The following FRMD4B variants were observed in gnomAD, a reference collection of about 807,000 sequenced individuals.
FRMD4B encodes the protein FERM domain-containing protein 4B.
In FRMD4B, 74 loss-of-function variants were observed where a neutral mutation model predicts 141.5. The observed-to-expected ratio is 0.52, with a 90% CI of 0.43 to 0.63. The LOEUF is 0.63. Among genes scored for constraint, FRMD4B ranks in the 30% least tolerant of loss-of-function variants. The pLI, the probability that FRMD4B is intolerant of heterozygous loss-of-function variation, is 0.00. For synonymous variants in FRMD4B, 506 were observed against 467.9 expected, an observed-to-expected ratio of 1.08 and a Z score of -1.05; for missense variants, 1,366 against 1,253.4, an observed-to-expected ratio of 1.09 and a Z score of -1.36.
At chr3:69,420,469 T>C (rs1463801571) in intron 2 of FRMD4B, among the ~76,000 whole-genome samples, 3 of 152,102 alleles carry the variant, frequency 2.0e-5, no homozygotes, top group African/African-American at 7.2e-5. Flanking sequence ...GTTAAGTGAT[T>C]TTCCCCAGGT....
chr3:69,482,022 C>T (rs890660729), intron 1 of FRMD4B, among the ~76,000 whole-genome samples: 1 of 152,160 alleles, frequency 6.6e-6, no homozygotes, highest in African/African-American at 2.4e-5. Flanking sequence ...GATGCTAAAG[C>T]TGCAACTAAT....
At chr3:69,422,885 C>T (rs1705006516) in intron 2 of FRMD4B, among the ~76,000 whole-genome samples, 2 of 152,128 alleles carry the variant, frequency 1.3e-5, no homozygotes, top group African/African-American at 2.4e-5. Context: ...TTGCAGACCC[C>T]TATGTCCTGA....
At chr3:69,272,851 G>C (rs1448915824) in intron 5 of FRMD4B, among the ~76,000 whole-genome samples, 5 of 152,182 alleles carry the variant, frequency 3.3e-5, no homozygotes, top group Non-Finnish European at 5.9e-5. Context: ...AATATGGATA[G>C]TAATGGGTCT....
chr3:69,363,830 C>T (rs1468406789), intron 1 of FRMD4B, among the ~76,000 whole-genome samples: 1 of 152,216 alleles, frequency 6.6e-6, no homozygotes, highest in Non-Finnish European at 1.5e-5. Flanking sequence ...AGCTTCAAAA[C>T]CAGTGTACTG....
intron 1 of FRMD4B, among the ~76,000 whole-genome samples, chr3:69,521,941 CAAT>C (rs1260113323): frequency 6.6e-6 from 1 of 152,184 alleles, no homozygotes; most frequent in Non-Finnish European, 1.5e-5. Flanking sequence ...TGGTCACACA[CAAT>C]TCATGTTACA....
At position 69,396,961 on chromosome 3, in the gene FRMD4B, T is replaced by C. The variant is rs186082959; in HGVS notation, c.-1+35673A>G. Among the ~76,000 whole-genome samples, 51 of 152,290 alleles carry C rather than the reference T, an allele frequency of 3.3e-4. No homozygotes were observed. In the East Asian group the frequency reaches 5.8e-3, roughly 17 times the overall value. The stretch of plus-strand genomic sequence containing the variant: ...TCAGCTGATAAACAGATTTTTAAAA[T>C]GTGATATATCCATATAATGGAATGT... On this transcript the variant is annotated intron_variant, in intron 2 of 5. Coordinates refer to the FRMD4B transcript ENST00000459638.
At chr3:69,199,533 G>T (rs2092946086) in intron 11 of FRMD4B, among the ~76,000 whole-genome samples, 1 of 152,236 alleles carries the variant, frequency 6.6e-6, no homozygotes, top group South Asian at 2.1e-4. Flanking sequence ...CCATGCAGGG[G>T]TGATTCTCTG....
chr3:69,221,986 C>T, intron 8 of FRMD4B, 63 bp from the exon 9 acceptor site: 1 of 861,868 alleles, frequency 1.2e-6, no homozygotes. Flanking sequence ...GGCACAGTTT[C>T]CACATTATCA....
intron 1 of FRMD4B, chr3:69,353,761 T>A: frequency 1.0e-6 from 1 of 953,238 alleles, no homozygotes; most frequent in Non-Finnish European, 1.2e-6. Context: ...GAAATGACCA[T>A]ACTGTTTGTT....
In FRMD4B at chr3:69,480,391, G is replaced by C. The variant is rs537846804; in HGVS notation, c.-128-47630C>G. Among the ~76,000 whole-genome samples, 373 of 152,180 alleles carry C rather than the reference G, an allele frequency of 2.5e-3. 3 individuals carry two copies. Among genetic ancestry groups the C allele is most frequent in the African/African-American group, 8.7e-3 (361 of 41,506 alleles). ...GATGTTCAGATGGGTTTTTGGTGTG[G>C]ATGTCCTTTCTGTTTGTTAGTTTTC... On this transcript the variant is annotated intron_variant, in intron 1 of 5. Coordinates refer to the FRMD4B transcript ENST00000459638.
intron 1 of FRMD4B, among the ~76,000 whole-genome samples, chr3:69,533,824 T>C (rs1412210454): frequency 1.3e-5 from 2 of 152,142 alleles, no homozygotes; most frequent in African/African-American, 4.8e-5. Context: ...ATACCTCTCA[T>C]TGGTGTCTGG....
chr3:69,179,862 T>C (rs1329567035), intron 21 of FRMD4B, among the ~76,000 whole-genome samples: 3 of 152,216 alleles, frequency 2.0e-5, no homozygotes, highest in African/African-American at 7.2e-5. Flanking sequence ...GTCCTCCACA[T>C]CTTGAATGTG....
intron 1 of FRMD4B, among the ~76,000 whole-genome samples, chr3:69,367,282 A>T (rs1703693728): frequency 1.3e-5 from 2 of 152,342 alleles, no homozygotes; most frequent in South Asian, 4.1e-4. Flanking sequence ...TTTCAGAATA[A>T]TATGAAAGTA....
At chr3:69,226,489 T>C (rs1030166715) in intron 7 of FRMD4B, among the ~76,000 whole-genome samples, 1 of 152,060 alleles carries the variant, frequency 6.6e-6, no homozygotes, top group South Asian at 2.1e-4. Flanking sequence ...TGAGTTTTTT[T>C]AATGAAGGGC....
chr3:69,251,238 T>A (rs961140711), intron 5 of FRMD4B, among the ~76,000 whole-genome samples: 2 of 152,216 alleles, frequency 1.3e-5, no homozygotes, highest in Admixed American at 6.5e-5. Flanking sequence ...ATGGAATTCC[T>A]GGAAATTGCC....
chr3:69,433,566 G>A (rs1489712120), intron 1 of FRMD4B, among the ~76,000 whole-genome samples: 1 of 152,198 alleles, frequency 6.6e-6, no homozygotes, highest in Non-Finnish European at 1.5e-5. Flanking sequence ...AGGCATCTAG[G>A]TGCAAGATGG....
intron 7 of FRMD4B, among the ~76,000 whole-genome samples, chr3:69,232,187 G>A (rs77615507): frequency 0.052 from 7,845 of 152,190 alleles, 211 homozygotes; most frequent in East Asian, 0.099. Context: ...TAATGGCAAC[G>A]GATATGTTAT....
chr3:69,346,101 G>A (rs970237262), intron 1 of FRMD4B, among the ~76,000 whole-genome samples: 3 of 152,034 alleles, frequency 2.0e-5, no homozygotes, highest in Admixed American at 6.6e-5. Flanking sequence ...TTAGACAAAT[G>A]GCTAACTAGA....
chr3:69,363,429 G>T, intron 1 of FRMD4B, among the ~76,000 whole-genome samples: 2 of 140,562 alleles, frequency 1.4e-5, no homozygotes, highest in African/African-American at 5.3e-5. Flanking sequence ...TTGCTCTGTT[G>T]CCCAGGCTGG....
Sources: gnomAD v4.1 joint callset for allele counts (sites outside exome capture counted in the v4.1 genomes callset) on GRCh38, gnomAD v4.1.1 for gene constraint, MANE v1.5 for transcripts, NCBI Gene and HGNC (gene_info 2026-07-23, HGNC 2026-07-21) for gene names.